Variants in CDKL4 observed in about 807,000 individuals in gnomAD.
CDKL4 encodes cyclin dependent kinase like 4.
In CDKL4, 44 loss-of-function variants were observed where a neutral mutation model predicts 42.0. That is an observed-to-expected ratio of 1.05 (90% CI 0.82 to 1.35). CDKL4 has a LOEUF of 1.35. Ranked by LOEUF, CDKL4 falls within the 40% of genes most tolerant of loss-of-function variation. CDKL4 has a pLI of 0.00. For missense variants in CDKL4, 393 were observed against 369.9 expected (o/e 1.06, Z -0.51); for synonymous variants, 120 against 121.6 (o/e 0.99, Z 0.09).
At position 39,212,512 on chromosome 2, in the gene CDKL4, C is replaced by T. The variant is rs187685038; in HGVS notation, c.363+888G>A. Among the ~76,000 whole-genome samples the T allele has an allele frequency of 4.1e-3, 622 of 152,016 alleles. 5 individuals carry two copies. Among genetic ancestry groups the T allele is most frequent in the African/African-American group, 0.014 (591 of 41,446 alleles). The stretch of plus-strand genomic sequence containing the variant: ...CCTCCCAAAGTGCTGGGATTACAGG[C>T]GTGAGCCACCATGCCCGGCCGGAAA... On this transcript the variant is annotated intron_variant, in intron 4 of 9. Coordinates refer to ENST00000451199, the Ensembl canonical transcript of CDKL4.
chr2:39,173,336 A>G (rs1675049567), downstream of CDKL4, among the ~76,000 whole-genome samples: 2 of 152,212 alleles, frequency 1.3e-5, no homozygotes, highest in African/African-American at 4.8e-5. Context: ...GTTGCCTTTT[A>G]TCTTTTTTCT....
chr2:39,219,960 C>T (rs912262226), intron 3 of CDKL4, among the ~76,000 whole-genome samples: 2 of 152,090 alleles, frequency 1.3e-5, no homozygotes, highest in African/African-American at 4.8e-5. Context: ...TGATATCGAC[C>T]CTAAAAGAAC....
chr2:39,229,634 T>G, intron 1 of CDKL4, 46 bp from the exon 2 acceptor site: 1 of 914,548 alleles, frequency 1.1e-6, no homozygotes. Context: ...TAAAAGACAA[T>G]GTTCTCACAG....
intron 3 of CDKL4, among the ~76,000 whole-genome samples, chr2:39,217,602 C>T (rs1678008797): frequency 6.6e-6 from 1 of 152,174 alleles, no homozygotes; most frequent in Non-Finnish European, 1.5e-5. Context: ...CATTTTACTT[C>T]CATTTCCCTT....
chr2:39,179,101 T>C, intron 9 of CDKL4, 86 bp downstream of exon 9: 1 of 1,541,472 alleles, frequency 6.5e-7, no homozygotes, highest in Non-Finnish European at 8.7e-7. Context: ...GGTCTTGGTG[T>C]CCACCTTGTC....
At chr2:39,211,049 G>T (rs1677556223) in intron 4 of CDKL4, among the ~76,000 whole-genome samples, 1 of 152,158 alleles carries the variant, frequency 6.6e-6, no homozygotes. Flanking sequence ...ATGGTACTCT[G>T]TATCATTGCC....
At chr2:39,179,056 G>T in intron 9 of CDKL4, 131 bp downstream of exon 9, 1 of 1,501,818 alleles carries the variant, frequency 6.7e-7, no homozygotes, top group Non-Finnish European at 8.8e-7. Context: ...TATTTATTAA[G>T]CTAGACAAAT....
At chr2:39,198,536 T>C (rs1430829741) in intron 5 of CDKL4, among the ~76,000 whole-genome samples, 1 of 152,094 alleles carries the variant, frequency 6.6e-6, no homozygotes, top group Non-Finnish European at 1.5e-5. Context: ...ATGCAGAATA[T>C]ACATTCTGTT....
chr2:39,178,046 G>A (rs1202985888), intron 9 of CDKL4, among the ~76,000 whole-genome samples: 2 of 152,210 alleles, frequency 1.3e-5, no homozygotes, highest in Admixed American at 1.3e-4. Context: ...CTTTCAGATT[G>A]CTGCCTCAGC....
At chr2:39,208,129 A>T (rs78413724) in intron 4 of CDKL4, among the ~76,000 whole-genome samples, 2,534 of 152,104 alleles carry the variant, frequency 0.017, 80 homozygotes, top group African/African-American at 0.058. Flanking sequence ...AAAAATTTTT[A>T]AAAAATTAAA....
At chr2:39,208,813 T>C (rs1421479238) in intron 4 of CDKL4, among the ~76,000 whole-genome samples, 1 of 150,106 alleles carries the variant, frequency 6.7e-6, no homozygotes, top group Admixed American at 6.7e-5. Context: ...ACACCAGAAA[T>C]TGCTTCTTAA....
chr2:39,168,667 G>A, the CDKL4 span, among the ~76,000 whole-genome samples: 3 of 150,562 alleles, frequency 2.0e-5, no homozygotes, highest in African/African-American at 2.4e-5. Context: ...CCCAGGAGGC[G>A]GAGGTTGCAG....
intron 1 of CDKL4, among the ~76,000 whole-genome samples, chr2:39,237,869 A>G (rs1679454842): frequency 6.6e-6 from 1 of 152,252 alleles, no homozygotes; most frequent in Non-Finnish European, 1.5e-5. Context: ...GAAGTAGGAT[A>G]CAAGATCAAT....
At chr2:39,172,957 C>T (rs1325025307), downstream of CDKL4, among the ~76,000 whole-genome samples, 1 of 152,142 alleles carries the variant, frequency 6.6e-6, no homozygotes, top group East Asian at 1.9e-4. Flanking sequence ...CCTGTCCCCT[C>T]CCCAGTGACA....
intron 8 of CDKL4, 50 bp from the exon 9 acceptor site, chr2:39,179,371 T>G: frequency 2.1e-6 from 3 of 1,429,478 alleles, no homozygotes; most frequent in Non-Finnish European, 2.8e-6. Context: ...GGGCTCATTT[T>G]GTTACCGTGC....
rs372803283 is a variant in CDKL4, at chr2:39,193,757, A to G, written c.455-3255T>C. On this transcript the variant is annotated intron_variant, in intron 5 of 9. Transcript: ENST00000451199. ...AAAAGCATAAAGAAGAAAATAAAAC[A>G]TCACCCATCACCCAGAGAGAAACCA... 4.1e-4 allele frequency among the ~76,000 whole-genome samples: 62 copies of G among 152,320 alleles called. 1 individual carries two copies. The highest frequency in any genetic ancestry group is 1.4e-3 in the African/African-American group (59 of 41,578).
At chr2:39,169,368 G>A in the CDKL4 span, among the ~76,000 whole-genome samples, 1 of 152,146 alleles carries the variant, frequency 6.6e-6, no homozygotes, top group Non-Finnish European at 1.5e-5. Context: ...TTGACATGAT[G>A]GAGCTAGTAG....
At chr2:39,235,874 G>A (rs1250649396) in intron 1 of CDKL4, among the ~76,000 whole-genome samples, 1 of 150,610 alleles carries the variant, frequency 6.6e-6, no homozygotes, top group East Asian at 1.9e-4. Context: ...GAGGAAGTAG[G>A]AAAGAAGAAG....
chr2:39,209,746 A>T (rs1452217890), intron 4 of CDKL4, among the ~76,000 whole-genome samples: 1 of 152,184 alleles, frequency 6.6e-6, no homozygotes, highest in Non-Finnish European at 1.5e-5. Context: ...TAAAGCTGTG[A>T]GTCGTCAGCA....
Sources: gnomAD v4.1 joint callset for allele counts (sites outside exome capture counted in the v4.1 genomes callset) on GRCh38, gnomAD v4.1.1 for gene constraint, MANE v1.5 for transcripts, NCBI Gene and HGNC (gene_info 2026-07-23, HGNC 2026-07-21) for gene names.